DLC1: variants seen among roughly 807,000 people sequenced by gnomAD.
DLC1 encodes rho GTPase-activating protein 7.
Under a neutral mutation model 140.3 loss-of-function variants are expected in DLC1, and 54 were observed. The ratio of observed to expected loss-of-function variants is 0.38; its 90% CI spans 0.31 to 0.48. The LOEUF (loss-of-function observed/expected upper bound fraction) is 0.48, where lower values mean the gene tolerates loss of function less well. Among genes scored for constraint, DLC1 ranks in the 20% least tolerant of loss-of-function variants. The pLI, the probability that DLC1 is intolerant of heterozygous loss-of-function variation, is 0.96. For missense variants in DLC1, 2,536 were observed against 1,907.0 expected (o/e 1.33, Z -6.14); for synonymous variants, 986 against 728.1 (o/e 1.35, Z -5.70).
intron 1 of DLC1, among the ~76,000 whole-genome samples, chr8:13,552,734 T>G (rs540454507): frequency 6.6e-6 from 1 of 151,994 alleles, no homozygotes; most frequent in East Asian, 1.9e-4. Context: ...TCATATTTTT[T>G]AAATGCAAGA....
chr8:13,480,189 A>G (rs1275298141), intron 2 of DLC1, among the ~76,000 whole-genome samples: 2 of 152,236 alleles, frequency 1.3e-5, no homozygotes, highest in African/African-American at 4.8e-5. Flanking sequence ...AAGGGAAAAA[A>G]TAGAGCATAG....
At chr8:13,304,993 A>G (rs765262736) in intron 5 of DLC1, 562 of 1,085,338 alleles carry the variant, frequency 5.2e-4, no homozygotes, top group Non-Finnish European at 6.0e-4. Flanking sequence ...TCAACATTTA[A>G]TTCTTTTGCT....
intron 1 of DLC1, among the ~76,000 whole-genome samples, chr8:13,525,480 A>C (rs61687775): frequency 6.6e-6 from 1 of 152,074 alleles, no homozygotes; most frequent in Admixed American, 6.5e-5. Context: ...TTGTTGTTAC[A>C]CATGCATGCC....
At chr8:13,322,087 A>AGAAC (rs1833150323) in intron 4 of DLC1, among the ~76,000 whole-genome samples, 2 of 152,210 alleles carry the variant, frequency 1.3e-5, no homozygotes, top group East Asian at 3.8e-4. Flanking sequence ...GGTGTTTTAC[A>AGAAC]TGTACTTTTA....
intron 1 of DLC1, among the ~76,000 whole-genome samples, chr8:13,565,611 C>T (rs933216164): frequency 1.7e-4 from 26 of 152,112 alleles, no homozygotes; most frequent in Non-Finnish European, 3.4e-4. Flanking sequence ...GAATATTTGA[C>T]TTTCACTTTT....
intron 5 of DLC1, among the ~76,000 whole-genome samples, chr8:13,161,086 G>T (rs1824658196): frequency 6.6e-6 from 1 of 152,166 alleles, no homozygotes; most frequent in Admixed American, 6.5e-5. Context: ...GTCTCAAAAA[G>T]ATTTAGGGAG....
intron 2 of DLC1, among the ~76,000 whole-genome samples, chr8:13,496,668 A>T (rs981646040): frequency 1.3e-5 from 2 of 151,682 alleles, no homozygotes. Flanking sequence ...GTTGTTTTTC[A>T]GTACTATATT....
At chr8:13,317,075 C>A (rs541709544) in intron 4 of DLC1, among the ~76,000 whole-genome samples, 1 of 152,206 alleles carries the variant, frequency 6.6e-6, no homozygotes, top group Non-Finnish European at 1.5e-5. Context: ...TTAAAGTCTA[C>A]CTTGGTTCCA....
At chr8:13,599,395 A>C (rs1805798181) in intron 1 of DLC1, among the ~76,000 whole-genome samples, 1 of 152,006 alleles carries the variant, frequency 6.6e-6, no homozygotes, top group Admixed American at 6.6e-5. Context: ...TCTATGGGAC[A>C]TTTTTAATGA....
intron 5 of DLC1, among the ~76,000 whole-genome samples, chr8:13,237,954 G>A (rs781667989): frequency 6.6e-6 from 1 of 151,922 alleles, no homozygotes; most frequent in Non-Finnish European, 1.5e-5. Context: ...AAGAAAGAAA[G>A]AAAAAGAAAG....
At chr8:13,216,688 G>T (rs1828215171) in intron 5 of DLC1, among the ~76,000 whole-genome samples, 1 of 151,932 alleles carries the variant, frequency 6.6e-6, no homozygotes, top group African/African-American at 2.4e-5. Context: ...TCAACCTCAG[G>T]ACTATGTACA....
At chr8:13,195,883 T>C (rs1406129867) in intron 5 of DLC1, among the ~76,000 whole-genome samples, 1 of 152,186 alleles carries the variant, frequency 6.6e-6, no homozygotes, top group Non-Finnish European at 1.5e-5. Context: ...TATAGAAATA[T>C]AGACTGTCAC....
chr8:13,144,475 T>C (rs546272058), intron 5 of DLC1, among the ~76,000 whole-genome samples: 2 of 152,196 alleles, frequency 1.3e-5, no homozygotes, highest in African/African-American at 4.8e-5. Context: ...CTTAATAAAT[T>C]ATCTCTCGGG....
At chr8:13,562,516 G>A (rs914872129) in intron 1 of DLC1, among the ~76,000 whole-genome samples, 1 of 152,146 alleles carries the variant, frequency 6.6e-6, no homozygotes, top group African/African-American at 2.4e-5. Flanking sequence ...AAATTACGCT[G>A]AGATATCATT....
At chr8:13,093,051 C>T (rs1170400302) in intron 12 of DLC1, among the ~76,000 whole-genome samples, 1 of 152,036 alleles carries the variant, frequency 6.6e-6, no homozygotes, top group Non-Finnish European at 1.5e-5. Context: ...TTTTAAACAC[C>T]CACAATACCC....
intron 2 of DLC1, among the ~76,000 whole-genome samples, chr8:13,435,387 C>T (rs1329397036): frequency 6.6e-6 from 1 of 152,168 alleles, no homozygotes; most frequent in Admixed American, 6.5e-5. Flanking sequence ...GATCTCGGCT[C>T]ACTGCAAACT....
intron 2 of DLC1, among the ~76,000 whole-genome samples, chr8:13,475,701 G>C (rs1800404612): frequency 6.6e-6 from 1 of 152,112 alleles, no homozygotes; most frequent in Non-Finnish European, 1.5e-5. Flanking sequence ...CCCTGAGGCT[G>C]GTACTCAAAT....
chr8:13,274,356 C>G (rs961385523), intron 5 of DLC1, among the ~76,000 whole-genome samples: 1 of 152,154 alleles, frequency 6.6e-6, no homozygotes, highest in Non-Finnish European at 1.5e-5. Flanking sequence ...CTTTTCCTTT[C>G]AAGCATGGTA....
At chr8:13,602,247 T>C (rs1180757716) in intron 1 of DLC1, among the ~76,000 whole-genome samples, 3 of 151,762 alleles carry the variant, frequency 2.0e-5, no homozygotes, top group Non-Finnish European at 4.4e-5. Flanking sequence ...GGAAAAGAGA[T>C]AGAAGAAGAA....
Sources: gnomAD v4.1 joint callset for allele counts (sites outside exome capture counted in the v4.1 genomes callset) on GRCh38, gnomAD v4.1.1 for gene constraint, MANE v1.5 for transcripts, NCBI Gene and HGNC (gene_info 2026-07-23, HGNC 2026-07-21) for gene names.